LOXHD1: variants seen among roughly 807,000 people sequenced by gnomAD.
LOXHD1 encodes the protein lipoxygenase homology PLAT domains 1.
In LOXHD1, 205 loss-of-function variants were observed where a neutral mutation model predicts 248.2. The ratio of observed to expected loss-of-function variants is 0.83; its 90% CI spans 0.74 to 0.93. LOXHD1 has a LOEUF of 0.93. LOXHD1 is among the 40% of genes least tolerant of loss of function. The pLI is 0.00. For synonymous variants in LOXHD1, 1,113 were observed against 1,162.8 expected (o/e 0.96, Z 0.87); for missense variants, 2,930 against 2,971.6 (o/e 0.99, Z 0.33).
chr18:46,572,600 ATC>A (rs1251474255), intron 14 of LOXHD1, among the ~76,000 whole-genome samples: 18 of 152,310 alleles, frequency 1.2e-4, no homozygotes, highest in African/African-American at 4.3e-4. Flanking sequence ...GGCCTTGGCA[ATC>A]ACTGTCAAAA....
At chr18:46,478,056 C>G in intron 40 of LOXHD1, 104 bp from the exon 41 acceptor site, 8 of 1,400,176 alleles carry the variant, frequency 5.7e-6, no homozygotes, top group Non-Finnish European at 6.7e-6. Flanking sequence ...GATCCCTTCC[C>G]AAGGTGATGG....
At chr18:46,493,828 T>C (rs2033654909) in intron 37 of LOXHD1, among the ~76,000 whole-genome samples, 1 of 152,198 alleles carries the variant, frequency 6.6e-6, no homozygotes, top group Non-Finnish European at 1.5e-5. Flanking sequence ...GCTTTCCACA[T>C]CTGATGGGAC....
At chr18:46,515,074 T>G (rs1468098207) in intron 34 of LOXHD1, among the ~76,000 whole-genome samples, 1 of 152,206 alleles carries the variant, frequency 6.6e-6, no homozygotes, top group Non-Finnish European at 1.5e-5. Flanking sequence ...GAAATTTAGC[T>G]GGGGAGTGGG....
intron 19 of LOXHD1, 35 bp downstream of exon 19, chr18:46,560,048 T>TCCCGGGCCCC: frequency 1.3e-5 from 16 of 1,226,290 alleles, no homozygotes; most frequent in Admixed American, 2.2e-5. Context: ...GTCTGGCCAC[T>TCCCGGGCCCC]CCCTCCCCAC....
At chr18:46,479,215 A>T (rs2032318984) in intron 40 of LOXHD1, among the ~76,000 whole-genome samples, 1 of 140,358 alleles carries the variant, frequency 7.1e-6, no homozygotes, top group Admixed American at 7.5e-5. Context: ...TGAGTTGAAC[A>T]AAGAGTTTGT....
chr18:46,560,500 G>A lies in LOXHD1; in HGVS notation c.2644C>T (p.His882Tyr). Reference sequence around the variant, plus strand: ...CTGGGCCCAAAGCCCTCGCCCGTGTGCCCGAGCCGGAGCTTATAGACCTCG... The same window carrying A: ...CTGGGCCCAAAGCCCTCGCCCGTGTACCCGAGCCGGAGCTTATAGACCTCG... The part of the protein sequence containing the change: ...VGEVYKLRLG[H>Y]TGEGFGPSWF... Residue 882 changes from histidine (H) to tyrosine (Y), a missense_variant, in exon 19 of 41, where the codon CAC becomes TAC. By Grantham distance (83) the His-to-Tyr change is moderately conservative. Coordinates refer to ENST00000642948, the MANE Select transcript of LOXHD1 (RefSeq NM_001384474.1). 1 of 1,537,476 alleles carries A rather than the reference G, an allele frequency of 6.5e-7. No individual in the cohort carries two copies. Among genetic ancestry groups the A allele is most frequent in the Admixed American group, 2.0e-5 (1 of 50,982 alleles).
intron 12 of LOXHD1, among the ~76,000 whole-genome samples, chr18:46,582,801 C>T (rs2037987838): frequency 6.6e-6 from 1 of 152,162 alleles, no homozygotes; most frequent in Admixed American, 6.5e-5. Context: ...TTGGCAGGCT[C>T]TTGAGCAGGT....
chr18:46,517,573 T>G (rs909512589), intron 34 of LOXHD1, among the ~76,000 whole-genome samples: 4 of 152,206 alleles, frequency 2.6e-5, no homozygotes, highest in Non-Finnish European at 5.9e-5. Context: ...CCTCCTTAGG[T>G]TAAGCTGTGT....
At chr18:46,526,938 C>T (rs1402636355) in intron 29 of LOXHD1, among the ~76,000 whole-genome samples, 1 of 152,116 alleles carries the variant, frequency 6.6e-6, no homozygotes, top group African/African-American at 2.4e-5. Flanking sequence ...AGATGACTTC[C>T]ATATTCTGGA....
intron 37 of LOXHD1, among the ~76,000 whole-genome samples, chr18:46,495,964 G>A (rs545657417): frequency 3.3e-5 from 5 of 152,054 alleles, no homozygotes; most frequent in African/African-American, 4.8e-5. Context: ...CCTGGGAGGC[G>A]GAGGTTGCAG....
intron 29 of LOXHD1, among the ~76,000 whole-genome samples, chr18:46,528,465 G>T (rs993434582): frequency 6.6e-6 from 1 of 152,148 alleles, no homozygotes. Context: ...CAGTCTGTCA[G>T]AGCTGGAAGA....
In LOXHD1 at chr18:46,526,574, G is replaced by A. The variant is rs115872391; in HGVS notation, c.4531-1657C>T. Among the ~76,000 whole-genome samples the A allele has an allele frequency of 6.0e-3, 917 of 152,336 alleles. 11 individuals carry two copies. Among genetic ancestry groups the A allele is most frequent in the African/African-American group, 0.021 (874 of 41,564 alleles). ...GGGCATGCTGGAAACTGCACTCAGT[G>A]GTCTACAGAGGGCACTCTGAACAGG... On this transcript the variant is annotated intron_variant, in intron 29 of 40. Coordinates refer to ENST00000642948, the MANE Select transcript of LOXHD1 (RefSeq NM_001384474.1).
At chr18:46,542,696 T>C (rs1030909381) in intron 24 of LOXHD1, 31 bp downstream of exon 24, 3 of 1,550,886 alleles carry the variant, frequency 1.9e-6, no homozygotes, top group Non-Finnish European at 2.6e-6. Flanking sequence ...CTTAAAGTCT[T>C]AGCAAGGAAC....
At chr18:46,540,654 C>CTTTTTTTTTTTTTTTTTTT (rs60099172) in intron 25 of LOXHD1, among the ~76,000 whole-genome samples, 1 of 91,402 alleles carries the variant, frequency 1.1e-5, no homozygotes, top group African/African-American at 4.1e-5. Flanking sequence ...AACTCTTTAT[C>CTTTTTTTTTTTTTTTTTTT]TTTTTTTTTT....
At chr18:46,516,740 CCAT>C (rs1487587405) in intron 34 of LOXHD1, among the ~76,000 whole-genome samples, 1 of 151,776 alleles carries the variant, frequency 6.6e-6, no homozygotes, top group Middle Eastern at 3.2e-3. Flanking sequence ...ACCATCATCA[CCAT>C]CATTATCATC....
chr18:46,605,065 C>T (rs1357597436), intron 6 of LOXHD1, among the ~76,000 whole-genome samples: 1 of 152,114 alleles, frequency 6.6e-6, no homozygotes, highest in East Asian at 1.9e-4. Context: ...GCTACCAAGA[C>T]CAATCAAGCA....
intron 2 of LOXHD1, among the ~76,000 whole-genome samples, chr18:46,645,526 CAT>C (rs1404748582): frequency 1.3e-5 from 2 of 152,206 alleles, no homozygotes; most frequent in Admixed American, 1.3e-4. Context: ...ATTCTGAACA[CAT>C]GACTCAGAGC....
intron 25 of LOXHD1, among the ~76,000 whole-genome samples, chr18:46,540,057 C>G (rs2036488463): frequency 6.6e-6 from 1 of 152,204 alleles, no homozygotes; most frequent in South Asian, 2.1e-4. Flanking sequence ...AGACTCTGTA[C>G]TGAGCATGCT....
intron 34 of LOXHD1, among the ~76,000 whole-genome samples, chr18:46,513,045 G>T (rs1158252953): frequency 6.6e-6 from 1 of 152,140 alleles, no homozygotes; most frequent in Non-Finnish European, 1.5e-5. Context: ...ATAGCCCCAT[G>T]AGATGGAGAT....
Sources: allele counts gnomAD v4.1 joint callset (sites outside exome capture counted in the v4.1 genomes callset), GRCh38; gene constraint gnomAD v4.1.1; transcripts MANE v1.5; gene names NCBI Gene and HGNC (gene_info 2026-07-23, HGNC 2026-07-21).